Variants in ACTR8 observed in about 807,000 individuals in gnomAD.
The protein encoded by ACTR8 is actin related protein 8.
A neutral mutation model predicts 84.3 loss-of-function variants in ACTR8; 70 were observed. That is an observed-to-expected ratio of 0.83 (90% CI 0.68 to 1.01). The LOEUF (loss-of-function observed/expected upper bound fraction) is 1.01, where lower values mean the gene tolerates loss of function less well. ACTR8 is among the 50% of genes least tolerant of loss of function. The pLI, the probability that ACTR8 is intolerant of heterozygous loss-of-function variation, is 0.00. For synonymous variants in ACTR8, 268 were observed against 275.2 expected, an observed-to-expected ratio of 0.97 and a Z score of 0.26; for missense variants, 672 against 775.4, an observed-to-expected ratio of 0.87 and a Z score of 1.58.
chr3:53,882,055 C>T lies in ACTR8; in HGVS notation c.47G>A (p.Gly16Asp). 6.4e-7 allele frequency: 1 copy of T among 1,551,696 alleles called. No individual in the cohort carries two copies. The highest frequency in any genetic ancestry group is 1.2e-5 in the South Asian group (1 of 84,066). Residue 16 changes from glycine to aspartate, a missense_variant, in exon 1 of 13, where the codon GGC becomes GAC. Transcript: ENST00000335754. ...GCGCTGCTCCTTCTCCTTCTCGCCGCCCTTCTCCTTTCCGTTCTCCGTATC... is the reference window on the plus strand; with the variant it reads ...GCGCTGCTCCTTCTCCTTCTCGCCGTCCTTCTCCTTTCCGTTCTCCGTATC... ...KGDTENGKEK[G>D]GEKEKEQRGV...
Position 53,880,110 on chromosome 3 carries a change from C to G in ACTR8, c.124-1G>C. On this transcript the variant is annotated splice_acceptor_variant, in intron 1 of 12. Transcript: ENST00000335754. LOFTEE classifies it high-confidence loss of function. ...CAATGATGAAGTTGCTCTGGATTTGCTGCAGATATAAAACATAGATGTGTG... is the reference window on the plus strand; with the variant it reads ...CAATGATGAAGTTGCTCTGGATTTGGTGCAGATATAAAACATAGATGTGTG... 6.2e-7 allele frequency: 1 copy of G among 1,612,894 alleles called. No individual in the cohort carries two copies. The highest frequency in any genetic ancestry group is 1.1e-5 in the South Asian group (1 of 91,004).
Position 53,870,168 on chromosome 3 carries a change from C to T in ACTR8, c.1568-23G>A, listed in dbSNP as rs534398675. 1.2e-6 allele frequency: 2 copies of T among 1,604,504 alleles called. No individual in the cohort carries two copies. The highest frequency in any genetic ancestry group is 2.2e-5 in the South Asian group (2 of 90,764). On this transcript the variant is annotated intron_variant, in intron 11 of 12. Transcript: ENST00000335754. The surrounding 1 kb of genome is among the most constrained non-coding windows in gnomAD (Gnocchi z 4.1). ...ATGCTGAAAAGACAGTTGACATCCTCCATGCTTTTTTCTCCACATCCATAA... is the reference window on the plus strand; with the variant it reads ...ATGCTGAAAAGACAGTTGACATCCTTCATGCTTTTTTCTCCACATCCATAA...
chr3:53,865,142 T>A (rs760322310), downstream of ACTR8: 1 of 1,614,130 alleles, frequency 6.2e-7, no homozygotes. Context: ...GTGGTCTACT[T>A]TAGAGAGATT....
Position 53,868,849 on chromosome 3 carries a change from C to T in ACTR8, c.1745G>A (p.Arg582Gln), listed in dbSNP as rs779123689. The change falls in exon 13 of 13, where the codon CGG becomes CAG. Residue 582 changes from arginine (R) to glutamine (Q), a missense_variant. By Grantham distance (43) the Arg-to-Gln change is conservative. Coordinates refer to ENST00000335754, the MANE Select transcript of ACTR8 (RefSeq NM_022899.5). ...TGCCCCTCCTTTCCATGCAATCAGC[C>T]GGGGGTCCATGTCCTACAGAAGGGA... ...VITRPKDMDP[R>Q]LIAWKGGAVL... 6.2e-6 allele frequency: 10 copies of T among 1,613,994 alleles called. No homozygotes were observed. Among genetic ancestry groups the T allele is most frequent in the East Asian group, 2.2e-5 (1 of 44,866 alleles).
chr3:53,881,967 C>T lies in ACTR8; in HGVS notation c.123+12G>A, dbSNP rs563730520. ...GCAAGGGCAAAGAGTTCCAACCCAGCCAGAGCCGCACCTCTTGCAGCGACT... is the reference window on the plus strand; with the variant it reads ...GCAAGGGCAAAGAGTTCCAACCCAGTCAGAGCCGCACCTCTTGCAGCGACT... On this transcript the variant is annotated intron_variant, in intron 1 of 12. Transcript: ENST00000335754. 2 of 1,555,466 alleles carry T rather than the reference C, an allele frequency of 1.3e-6. No homozygotes were observed. Among genetic ancestry groups the T allele is most frequent in the South Asian group, 1.2e-5 (1 of 84,446 alleles).
chr3:53,864,964 GCAGA>G (rs770278772), downstream of ACTR8: 6 of 1,614,070 alleles, frequency 3.7e-6, no homozygotes, highest in Admixed American at 1.7e-5. Context: ...AAAGAAGGCA[GCAGA>G]CAAAGTCGTC....
At position 53,867,195 on chromosome 3, in the gene ACTR8, A is replaced by G. The variant is rs1228724717; in HGVS notation, c.*1524T>C. The stretch of plus-strand genomic sequence containing the variant: ...AACCAACTTCCTTTGAAACAGCTCT[A>G]CCAGTTATAAGAGCAATATGCTGTT... On this transcript the variant is annotated 3_prime_UTR_variant, in exon 13 of 13. Transcript: ENST00000335754. 6.6e-6 allele frequency: 1 copy of G among 152,254 alleles called. No individual in the cohort carries two copies. Among genetic ancestry groups the G allele is most frequent in the Non-Finnish European group, 1.5e-5 (1 of 68,038 alleles). The allele number at this position is 152,254 out of a possible 1,614,324, so 9.4% of individuals were successfully genotyped here.
At chr3:53,865,022 G>A, downstream of ACTR8, 1 of 1,614,204 alleles carries the variant, frequency 6.2e-7, no homozygotes, top group Admixed American at 1.7e-5. Flanking sequence ...GATGGTACCT[G>A]TGGCAAGAGC....
chr3:53,873,198 C>T (rs1251515233), intron 8 of ACTR8, 71 bp from the exon 9 acceptor site: 10 of 1,215,890 alleles, frequency 8.2e-6, no homozygotes, highest in Non-Finnish European at 1.1e-5. Flanking sequence ...TATGCTTCAG[C>T]CTCACCATCA....
intron 9 of ACTR8, 126 bp downstream of exon 9, chr3:53,872,906 A>G (rs1429520181): frequency 3.9e-6 from 3 of 759,992 alleles, no homozygotes; most frequent in Middle Eastern, 2.7e-4. Flanking sequence ...ATGTTGGTTT[A>G]GTGGATAATC....
chr3:53,879,742 C>A (rs961089421), intron 2 of ACTR8, among the ~76,000 whole-genome samples, 197 bp downstream of exon 2: 7 of 152,096 alleles, frequency 4.6e-5, no homozygotes, highest in African/African-American at 1.7e-4. Context: ...CTCAATTCAC[C>A]CTGAAAGACT....
downstream of ACTR8, chr3:53,864,986 T>C: frequency 6.2e-7 from 1 of 1,614,194 alleles, no homozygotes; most frequent in Non-Finnish European, 8.5e-7. Context: ...GTCTTCCTTC[T>C]TTCCAATGAC....
chr3:53,870,629 C>A lies in ACTR8; in HGVS notation c.1568-484G>T, dbSNP rs1232827016. Among the ~76,000 whole-genome samples, 2 of 151,296 alleles carry A rather than the reference C, an allele frequency of 1.3e-5. No individual in the cohort carries two copies. Among genetic ancestry groups the A allele is most frequent in the African/African-American group, 4.8e-5 (2 of 41,344 alleles). On this transcript the variant is annotated intron_variant, in intron 11 of 12. Coordinates refer to ENST00000335754, the MANE Select transcript of ACTR8 (RefSeq NM_022899.5). The surrounding 1 kb of genome is among the most constrained non-coding windows in gnomAD (Gnocchi z 4.1). ...TCACGCCATTGCACTCTAGCCTGGG[C>A]AATGGAGTGAGACTCTGAAAAATAA...
At chr3:53,873,257 C>T (rs971555268) in intron 8 of ACTR8, 130 bp from the exon 9 acceptor site, 3 of 539,818 alleles carry the variant, frequency 5.6e-6, no homozygotes, top group Admixed American at 3.1e-5. Context: ...GTACCACTCA[C>T]ACTATAATTT....
In ACTR8 at chr3:53,871,114, C is replaced by T. The variant is rs1006334508; in HGVS notation, c.1567+118G>A. On this transcript the variant is annotated intron_variant, in intron 11 of 12. Transcript: ENST00000335754. ...CACCTGGCAATGCAAGCCAAGTAGG[C>T]GCTTAATCACTTTTCAATGAATATG... The T allele has an allele frequency of 8.0e-6, 11 of 1,380,314 alleles. No individual in the cohort carries two copies. In the Admixed American group the frequency reaches 9.6e-5, roughly 12 times the overall value. The allele number at this position is 1,380,314 out of a possible 1,614,324, so 85.5% of individuals were successfully genotyped here.
At chr3:53,866,843 C>G (rs1361668325), downstream of ACTR8, among the ~76,000 whole-genome samples, 1 of 151,138 alleles carries the variant, frequency 6.6e-6, no homozygotes. Context: ...TGTTTTTTTT[C>G]TGGGAATGCT....
downstream of ACTR8, among the ~76,000 whole-genome samples, chr3:53,863,366 G>A (rs1049446925): frequency 1.3e-5 from 2 of 152,046 alleles, no homozygotes; most frequent in African/African-American, 4.8e-5. Context: ...AGAAACCAGA[G>A]CATTTACATA....
intron 8 of ACTR8, among the ~76,000 whole-genome samples, 188 bp downstream of exon 8, chr3:53,874,023 A>C (rs1699929711): frequency 6.6e-6 from 1 of 152,008 alleles, no homozygotes; most frequent in Non-Finnish European, 1.5e-5. Context: ...ACGGAGTTTC[A>C]CCGTGTTAGC....
Position 53,877,140 on chromosome 3 carries a change from A to C in ACTR8, c.684+74T>G, listed in dbSNP as rs1699987853. On this transcript the variant is annotated intron_variant, in intron 5 of 12. Coordinates refer to ENST00000335754, the MANE Select transcript of ACTR8 (RefSeq NM_022899.5). ...TTTCAAGAAGGACACTATATTACAAACAACTCGGTAACGTGTACTTTCATT... is the reference window on the plus strand; with the variant it reads ...TTTCAAGAAGGACACTATATTACAACCAACTCGGTAACGTGTACTTTCATT... The C allele has an allele frequency of 2.1e-6, 3 of 1,424,840 alleles. No homozygotes were observed. In the South Asian group the frequency reaches 4.4e-5, roughly 21 times the overall value. 88.3% of individuals were successfully genotyped at this position (1,424,840 alleles called of 1,614,324 possible).
Sources: gnomAD v4.1 joint callset for allele counts (sites outside exome capture counted in the v4.1 genomes callset) on GRCh38, gnomAD v4.1.1 for gene constraint, Gnocchi (gnomAD v3.1) non-coding constraint, MANE v1.5 for transcripts, NCBI Gene and HGNC (gene_info 2026-07-23, HGNC 2026-07-21) for gene names.